Variants in DCAF13 observed in about 807,000 individuals in gnomAD.
DCAF13 encodes DDB1- and CUL4-associated factor 13.
In DCAF13, 38 loss-of-function variants were observed where a neutral mutation model predicts 59.0. The ratio of observed to expected loss-of-function variants is 0.64; its 90% CI spans 0.50 to 0.84. DCAF13 has a LOEUF of 0.84. Among genes scored for constraint, DCAF13 ranks in the 40% least tolerant of loss-of-function variants. The pLI, the probability that DCAF13 is intolerant of heterozygous loss-of-function variation, is 0.00. For missense variants in DCAF13, 469 were observed against 558.4 expected, an observed-to-expected ratio of 0.84 and a Z score of 1.61; for synonymous variants, 173 against 175.0, an observed-to-expected ratio of 0.99 and a Z score of 0.09.
At position 103,441,526 on chromosome 8, in the gene DCAF13, T is replaced by C. The variant is rs780807055; in HGVS notation, c.1158T>C (p.His386=). 4 of 1,608,366 alleles carry C rather than the reference T, an allele frequency of 2.5e-6. No individual in the cohort carries two copies. The highest frequency in any genetic ancestry group is 2.7e-5 in the African/African-American group (2 of 74,540). ...KLKEKFQHYP[H]IKRIARHRHL... is the part of the protein sequence containing the mutation. ...AGGAGAAATTTCAGCATTATCCTCA[T>C]ATAAAACGTATAGCTCGTCATCGAC... is the stretch of plus-strand genomic sequence containing the variant. Residue 386 remains histidine (H), a synonymous_variant, in exon 10 of 11, where the codon CAT becomes CAC. Coordinates refer to ENST00000612750, the MANE Select transcript of DCAF13 (RefSeq NM_015420.7).
Position 103,432,530 on chromosome 8 carries a change from T to G in DCAF13, c.703-129T>G, listed in dbSNP as rs1011937032. Reference sequence around the variant, plus strand: ...GTGTATTTAAGAAGCAATTACTGATTGATTTCTCTTCCCATTGCACTGAGC... The same window carrying G: ...GTGTATTTAAGAAGCAATTACTGATGGATTTCTCTTCCCATTGCACTGAGC... On this transcript the variant is annotated intron_variant, in intron 6 of 10. Coordinates refer to ENST00000612750, the MANE Select transcript of DCAF13 (RefSeq NM_015420.7). 15 of 451,004 alleles carry G rather than the reference T, an allele frequency of 3.3e-5. No individual in the cohort carries two copies. In the East Asian group the frequency reaches 3.7e-4, roughly 11 times the overall value. The allele number at this position is 451,004 out of a possible 1,614,324, so 27.9% of individuals were successfully genotyped here.
chr8:103,416,191 CTG>C (rs1195074991), intron 1 of DCAF13, among the ~76,000 whole-genome samples: 2 of 152,122 alleles, frequency 1.3e-5, no homozygotes, highest in Non-Finnish European at 2.9e-5. Flanking sequence ...GAAAGAAGGG[CTG>C]TGTCATTAGT....
chr8:103,424,112 G>A (rs972075622), intron 3 of DCAF13, among the ~76,000 whole-genome samples: 2 of 151,836 alleles, frequency 1.3e-5, no homozygotes, highest in South Asian at 2.1e-4. Flanking sequence ...TCTGCCTCCC[G>A]GGTTCACGCC....
intron 7 of DCAF13, among the ~76,000 whole-genome samples, chr8:103,434,832 T>C (rs1472656513): frequency 6.6e-6 from 1 of 152,102 alleles, no homozygotes; most frequent in Admixed American, 6.6e-5. Context: ...TTACCAATTG[T>C]GCATAAAGTA....
chr8:103,423,090 G>A (rs1014257663), intron 3 of DCAF13, among the ~76,000 whole-genome samples: 3 of 152,146 alleles, frequency 2.0e-5, no homozygotes, highest in Non-Finnish European at 2.9e-5. Flanking sequence ...CAGATAAGCT[G>A]CCTGACCCTG....
At chr8:103,420,880 C>T (rs1816713209) in intron 2 of DCAF13, 95 bp from the exon 3 acceptor site, 1 of 917,244 alleles carries the variant, frequency 1.1e-6, no homozygotes, top group Admixed American at 1.9e-5. Flanking sequence ...TTTTAGCTGC[C>T]CAGTAGAGTG....
intron 2 of DCAF13, 39 bp downstream of exon 2, chr8:103,420,502 G>C: frequency 6.4e-7 from 1 of 1,571,796 alleles, no homozygotes; most frequent in Non-Finnish European, 8.7e-7. Flanking sequence ...ACTAAAAGTA[G>C]TTATATTACA....
In DCAF13 at chr8:103,441,499, G is replaced by A. The variant is rs988657924; in HGVS notation, c.1131G>A (p.Leu377=). The change falls in exon 10 of 11, where the codon TTG becomes TTA. Residue 377 remains leucine, a synonymous_variant. Coordinates refer to ENST00000612750, the MANE Select transcript of DCAF13 (RefSeq NM_015420.7). The part of the protein sequence containing the change: ...EKAAKDYNQK[L]KEKFQHYPHI... ...CAGCCAAGGATTATAACCAGAAATT[G>A]AAGGAGAAATTTCAGCATTATCCTC... is the stretch of plus-strand genomic sequence containing the variant. 6.9e-6 allele frequency: 11 copies of A among 1,598,678 alleles called. No homozygotes were observed. The African/African-American group carries it at 1.4e-4, about 20-fold the overall frequency.
At position 103,420,332 on chromosome 8, in the gene DCAF13, G is replaced by A; in HGVS notation, c.139G>A (p.Ala47Thr). 1 of 1,614,140 alleles carries A rather than the reference G, an allele frequency of 6.2e-7. No individual in the cohort carries two copies. The highest frequency in any genetic ancestry group is 2.2e-5 in the East Asian group (1 of 44,880). ...ACGAGAATATATAAGAGCTTTAAATGCTACCAAACTGGAACGAGTATTTGC... is the reference window on the plus strand; with the variant it reads ...ACGAGAATATATAAGAGCTTTAAATACTACCAAACTGGAACGAGTATTTGC... ...VPREYIRALN[A>T]TKLERVFAKP... Residue 47 changes from alanine (A) to threonine (T), a missense_variant, in exon 2 of 11, where the codon GCT becomes ACT. Ala to Thr is a moderately conservative substitution (Grantham distance 58). Coordinates refer to ENST00000612750, the MANE Select transcript of DCAF13 (RefSeq NM_015420.7).
intron 10 of DCAF13, 87 bp from the exon 11 acceptor site, chr8:103,442,708 G>A: frequency 1.2e-6 from 1 of 868,774 alleles, no homozygotes; most frequent in Non-Finnish European, 1.7e-6. Flanking sequence ...TTTTTCTAGT[G>A]AAAGAAAATG....
intron 6 of DCAF13, 140 bp downstream of exon 6, chr8:103,430,829 A>G (rs193149806): frequency 1.9e-6 from 1 of 518,274 alleles, no homozygotes; most frequent in East Asian, 3.3e-5. Flanking sequence ...ACTCTACATG[A>G]TGATAGTCAT....
At chr8:103,429,332 C>G (rs976005352) in intron 5 of DCAF13, 4 of 152,202 alleles carry the variant, frequency 2.6e-5, no homozygotes, top group African/African-American at 9.7e-5. Flanking sequence ...GAGAGGAAAT[C>G]ATGATCATAA....
At chr8:103,419,672 C>T (rs558406526) in intron 1 of DCAF13, among the ~76,000 whole-genome samples, 10 of 152,028 alleles carry the variant, frequency 6.6e-5, no homozygotes, top group Non-Finnish European at 1.2e-4. Flanking sequence ...TATTGGAAGC[C>T]CTGACAGTGA....
intron 4 of DCAF13, among the ~76,000 whole-genome samples, chr8:103,426,884 G>A (rs899462209): frequency 6.6e-6 from 1 of 152,044 alleles, no homozygotes; most frequent in Non-Finnish European, 1.5e-5. Context: ...TTGGAAACAC[G>A]TTAGTAATTT....
At chr8:103,435,077 A>G (rs1004443455) in intron 7 of DCAF13, among the ~76,000 whole-genome samples, 7 of 152,140 alleles carry the variant, frequency 4.6e-5, no homozygotes, top group Non-Finnish European at 1.0e-4. Flanking sequence ...TGGGAATTTA[A>G]TAAGCATTAT....
Position 103,442,567 on chromosome 8 carries a change from A to G in DCAF13, c.1251-228A>G, listed in dbSNP as rs563747014. ...TTTTAGAAATTTTATTAACTGTGGA[A>G]GGTTTTTAAACTTAGTAAAGGACCC... is the stretch of plus-strand genomic sequence containing the variant. On this transcript the variant is annotated intron_variant, in intron 10 of 10. Coordinates refer to ENST00000612750, the MANE Select transcript of DCAF13 (RefSeq NM_015420.7). 22 of 320,374 alleles carry G rather than the reference A, an allele frequency of 6.9e-5. No homozygotes were observed. In the South Asian group the frequency reaches 1.8e-3, roughly 27 times the overall value. The allele number at this position is 320,374 out of a possible 1,614,324, so 19.8% of individuals were successfully genotyped here.
intron 1 of DCAF13, among the ~76,000 whole-genome samples, 193 bp downstream of exon 1, chr8:103,415,709 T>C (rs1477666165): frequency 2.0e-5 from 3 of 152,198 alleles, no homozygotes; most frequent in Admixed American, 6.5e-5. Context: ...TCTGTTCAAG[T>C]CCTTTTTCTA....
At chr8:103,424,611 G>A (rs1460685911) in intron 3 of DCAF13, among the ~76,000 whole-genome samples, 1 of 152,142 alleles carries the variant, frequency 6.6e-6, no homozygotes, top group African/African-American at 2.4e-5. Flanking sequence ...TTGGTGGTCC[G>A]CTGAGGTTTG....
intron 10 of DCAF13, 22 bp from the exon 11 acceptor site, chr8:103,442,773 A>G (rs1340786095): frequency 1.3e-6 from 2 of 1,519,942 alleles, no homozygotes; most frequent in Non-Finnish European, 1.8e-6. Context: ...ACTTGCTTAT[A>G]TTTTGTATAT....
Sources: gnomAD v4.1 joint callset for allele counts (sites outside exome capture counted in the v4.1 genomes callset) on GRCh38, gnomAD v4.1.1 for gene constraint, MANE v1.5 for transcripts, NCBI Gene and HGNC (gene_info 2026-07-23, HGNC 2026-07-21) for gene names.